The following OSBPL10 variants were observed in gnomAD, a reference collection of about 807,000 sequenced individuals.
OSBPL10 encodes oxysterol binding protein like 10.
A neutral mutation model predicts 81.7 loss-of-function variants in OSBPL10; 49 were observed. The observed-to-expected ratio is 0.60, with a 90% CI of 0.48 to 0.76. OSBPL10 has a LOEUF of 0.76. Ranked by LOEUF, OSBPL10 falls within the 30% of genes least tolerant of loss-of-function variation. The pLI is 0.00. For synonymous variants in OSBPL10, 419 were observed against 383.6 expected (o/e 1.09, Z -1.08); for missense variants, 923 against 987.8 (o/e 0.93, Z 0.88).
At chr3:31,969,769 A>T (rs1249056489) in intron 1 of OSBPL10, among the ~76,000 whole-genome samples, 1 of 151,918 alleles carries the variant, frequency 6.6e-6, no homozygotes, top group Admixed American at 6.6e-5. Flanking sequence ...GCAGGAGAAT[A>T]GCTTGAACCT....
intron 2 of OSBPL10, among the ~76,000 whole-genome samples, chr3:32,019,732 T>C (rs532914647): frequency 4.6e-5 from 7 of 152,348 alleles, no homozygotes; most frequent in African/African-American, 7.2e-5. Flanking sequence ...AATTATTAAC[T>C]CTGTTTCTTC....
intron 1 of OSBPL10, among the ~76,000 whole-genome samples, chr3:31,976,242 A>T (rs1173797790): frequency 6.6e-6 from 1 of 152,236 alleles, no homozygotes; most frequent in Non-Finnish European, 1.5e-5. Context: ...ACTTCTTGGT[A>T]TCTTGCTATG....
chr3:32,022,629 A>G (rs1430693237), intron 2 of OSBPL10, among the ~76,000 whole-genome samples: 2 of 152,098 alleles, frequency 1.3e-5, no homozygotes, highest in African/African-American at 4.8e-5. Flanking sequence ...CTACAAAAAT[A>G]CACAAATTAG....
intron 2 of OSBPL10, among the ~76,000 whole-genome samples, chr3:32,036,938 C>T (rs962118531): frequency 6.6e-5 from 10 of 152,150 alleles, no homozygotes; most frequent in African/African-American, 2.4e-4. Flanking sequence ...AGCAACTAGG[C>T]AGAAGTCCTA....
chr3:31,824,456 T>A (rs1465239890), intron 4 of OSBPL10, among the ~76,000 whole-genome samples: 1 of 152,142 alleles, frequency 6.6e-6, no homozygotes, highest in Non-Finnish European at 1.5e-5. Context: ...CAAAAAATGG[T>A]CCAAATCGTT....
At chr3:31,831,073 C>T (rs185485325) in intron 3 of OSBPL10, among the ~76,000 whole-genome samples, 37 of 152,288 alleles carry the variant, frequency 2.4e-4, no homozygotes, top group African/African-American at 7.9e-4. Context: ...GAAGAAAACA[C>T]ATAACCATGG....
At chr3:31,807,392 A>AATAAATAT (rs1386677173) in intron 4 of OSBPL10, among the ~76,000 whole-genome samples, 3 of 131,140 alleles carry the variant, frequency 2.3e-5, no homozygotes, top group Non-Finnish European at 5.0e-5. Context: ...TAAATAAATA[A>AATAAATAT]ATAAATAAAT....
intron 4 of OSBPL10, among the ~76,000 whole-genome samples, chr3:31,784,926 C>G (rs527841738): frequency 6.6e-6 from 1 of 151,966 alleles, no homozygotes; most frequent in African/African-American, 2.4e-5. Flanking sequence ...GTCACCCAGG[C>G]TGGAGTGAAG....
rs1191637557 is a variant in OSBPL10, at chr3:31,939,456, T to TA, written c.281+41442dup. On this transcript the variant is annotated intron_variant, in intron 1 of 11. Coordinates refer to ENST00000396556, the MANE Select transcript of OSBPL10 (RefSeq NM_017784.5). The stretch of plus-strand genomic sequence containing the variant: ...CCACACCTGGCCAACTCTTTCATCT[T>TA]AAAAAAAAAAAACAAAAAAATTCCC... Among the ~76,000 whole-genome samples, 956 of 141,154 alleles carry TA rather than the reference T, an allele frequency of 6.8e-3. 5 individuals are homozygous for TA. The highest frequency in any genetic ancestry group is 0.014 in the Middle Eastern group (4 of 276). 92.6% of individuals were successfully genotyped at this position (141,154 alleles called of 152,430 possible). A position where few individuals can be genotyped will look rare whatever the true frequency, so the allele number is the denominator to read the frequency against.
chr3:31,818,443 G>C (rs1699901732), intron 4 of OSBPL10, among the ~76,000 whole-genome samples: 1 of 152,040 alleles, frequency 6.6e-6, no homozygotes, highest in African/African-American at 2.4e-5. Flanking sequence ...GTGTGCACGG[G>C]TGCATATGTA....
chr3:32,051,450 C>A (rs1699669776), intron 1 of OSBPL10, among the ~76,000 whole-genome samples: 1 of 152,064 alleles, frequency 6.6e-6, no homozygotes, highest in South Asian at 2.1e-4. Context: ...TCAGGGGATA[C>A]TCAGCTCTTT....
At chr3:31,835,682 C>G (rs958982828) in intron 3 of OSBPL10, among the ~76,000 whole-genome samples, 2 of 152,030 alleles carry the variant, frequency 1.3e-5, no homozygotes, top group African/African-American at 4.8e-5. Context: ...AAAAATCAAA[C>G]AAGTCTGGTA....
chr3:32,033,718 T>C (rs1480275709), intron 2 of OSBPL10, among the ~76,000 whole-genome samples: 1 of 152,208 alleles, frequency 6.6e-6, no homozygotes, highest in Non-Finnish European at 1.5e-5. Context: ...GCCATTGTTA[T>C]TGGCTTTTCT....
At chr3:31,812,817 AG>A (rs1448269419) in intron 4 of OSBPL10, among the ~76,000 whole-genome samples, 2 of 28,572 alleles carry the variant, frequency 7.0e-5, no homozygotes, top group African/African-American at 3.3e-4. Flanking sequence ...AAAGAAAGAA[AG>A]AGAAAGAAAG....
chr3:32,041,991 G>A (rs114649939), intron 2 of OSBPL10, among the ~76,000 whole-genome samples: 5,296 of 152,194 alleles, frequency 0.035, 112 homozygotes, highest in Non-Finnish European at 0.05. Context: ...AAAATACCAT[G>A]CAGCTTCCAC....
In OSBPL10 at chr3:31,907,049, C is replaced by T. The variant is rs1330751186; in HGVS notation, c.282-27219G>A. Reference sequence around the variant, plus strand: ...TGTCATAATTTATTGAAAGGTCTCCCTTAGGTCATAGGTCACACCCCAGAT... The same window carrying T: ...TGTCATAATTTATTGAAAGGTCTCCTTTAGGTCATAGGTCACACCCCAGAT... On this transcript the variant is annotated intron_variant, in intron 1 of 11. Coordinates refer to ENST00000396556, the MANE Select transcript of OSBPL10 (RefSeq NM_017784.5). The T allele has an allele frequency of 3.3e-5, 5 of 152,094 alleles. 1 individual carries two copies. Among genetic ancestry groups the T allele is most frequent in the Non-Finnish European group, 7.4e-5 (5 of 68,012 alleles). The allele number at this position is 152,094 out of a possible 1,614,324, so 9.4% of individuals were successfully genotyped here.
chr3:31,931,900 G>C (rs1217086372), intron 1 of OSBPL10, among the ~76,000 whole-genome samples: 1 of 152,120 alleles, frequency 6.6e-6, no homozygotes, highest in Non-Finnish European at 1.5e-5. Context: ...AACACAGCCA[G>C]ACAAGGTGGT....
At chr3:31,879,892 G>T in intron 1 of OSBPL10, 62 bp from the exon 2 acceptor site, 1 of 1,498,164 alleles carries the variant, frequency 6.7e-7, no homozygotes, top group Middle Eastern at 2.3e-4. Context: ...CAGCAAAGCA[G>T]AAAAAAGCAA....
chr3:31,751,052 T>A (rs571983005), intron 4 of OSBPL10, among the ~76,000 whole-genome samples: 1 of 152,188 alleles, frequency 6.6e-6, no homozygotes, highest in Non-Finnish European at 1.5e-5. Context: ...ACGCCTGTAA[T>A]CCCAGCACTT....
Sources: gnomAD v4.1 joint callset for allele counts (sites outside exome capture counted in the v4.1 genomes callset) on GRCh38, gnomAD v4.1.1 for gene constraint, MANE v1.5 for transcripts, NCBI Gene and HGNC (gene_info 2026-07-23, HGNC 2026-07-21) for gene names.